The following SF3B6 variants were observed in gnomAD, a reference collection of about 807,000 sequenced individuals.
SF3B6 encodes splicing factor 3b subunit 6, also known as SF3b 14 kDa subunit.
A neutral mutation model predicts 15.9 loss-of-function variants in SF3B6; 3 were observed. The ratio of observed to expected loss-of-function variants is 0.19; its 90% CI spans 0.09 to 0.49. SF3B6 has a LOEUF of 0.49. Ranked by LOEUF, SF3B6 falls within the 20% of genes least tolerant of loss-of-function variation. The pLI is 0.97. For missense variants in SF3B6, 71 were observed against 154.3 expected (o/e 0.46, Z 2.86); for synonymous variants, 49 against 51.1 (o/e 0.96, Z 0.18).
rs542735145 is a variant in SF3B6, at chr2:24,075,504, C to T, written c.30+696G>A. On this transcript the variant is annotated intron_variant, in intron 1 of 3. Coordinates refer to ENST00000233468, the MANE Select transcript of SF3B6 (RefSeq NM_016047.4). ...TCAGCCTCCAAAAGTGCGGGGATTA[C>T]AGGCATGAGCCACCTCACTCGGCCT... 2.0e-4 allele frequency among the ~76,000 whole-genome samples: 30 copies of T among 151,782 alleles called. No homozygotes were observed. The South Asian group carries it at 6.2e-3, about 32-fold the overall frequency.
At chr2:24,075,432 T>C (rs1156828798) in intron 1 of SF3B6, among the ~76,000 whole-genome samples, 1 of 148,866 alleles carries the variant, frequency 6.7e-6, no homozygotes, top group Non-Finnish European at 1.5e-5. Flanking sequence ...GGCACAATCA[T>C]GGCTCAAGGC....
rs1429115939 is a variant in SF3B6, at chr2:24,067,618, T to C, written c.*144A>G. 3.2e-6 allele frequency: 2 copies of C among 630,708 alleles called. No homozygotes were observed. The highest frequency in any genetic ancestry group is 5.5e-6 in the Non-Finnish European group (2 of 365,542). The allele number at this position is 630,708 out of a possible 1,614,324, so 39.1% of individuals were successfully genotyped here. A position where few individuals can be genotyped will look rare whatever the true frequency, so the allele number is the denominator to read the frequency against. ...AAAAGCTACAAGTTTATTAACATAA[T>C]GTATTCCAATATGTATCAAAGTTTC... On this transcript the variant is annotated 3_prime_UTR_variant, in exon 4 of 4. Coordinates refer to ENST00000233468, the MANE Select transcript of SF3B6 (RefSeq NM_016047.4).
intron 2 of SF3B6, among the ~76,000 whole-genome samples, chr2:24,068,847 TTTTG>T (rs1366446235): frequency 6.6e-6 from 1 of 152,056 alleles, no homozygotes; most frequent in East Asian, 1.9e-4. Context: ...TTGTTTTTGT[TTTTG>T]TTTTTGTTTT....
intron 2 of SF3B6, among the ~76,000 whole-genome samples, chr2:24,072,632 G>T (rs1047929566): frequency 2.0e-5 from 3 of 152,172 alleles, no homozygotes; most frequent in African/African-American, 7.2e-5. Flanking sequence ...ACCCAGATAA[G>T]GTTAAATATT....
In SF3B6 at chr2:24,074,089, G is replaced by A. The variant is rs376628302; in HGVS notation, c.136C>T (p.Arg46Cys). The change falls in exon 2 of 4, where the codon CGT becomes TGT. Residue 46 changes from arginine to cysteine, a missense_variant. Physicochemically the swap from Arg to Cys is radical, Grantham distance 180. This residue lies in a region of SF3B6 where 52 missense variants were observed against 113.2 expected (regional missense o/e 0.46). Coordinates refer to ENST00000233468, the MANE Select transcript of SF3B6 (RefSeq NM_016047.4). Reference protein sequence around the residue: ...YDIFGKYGPIRQIRVGNTPET... With the variant: ...YDIFGKYGPICQIRVGNTPET... ...AGTAAGACTCACACTCTGATTTGACGAATAGGTCCATATTTCCCAAATATA... is the reference window on the plus strand; with the variant it reads ...AGTAAGACTCACACTCTGATTTGACAAATAGGTCCATATTTCCCAAATATA... 1.9e-6 allele frequency: 3 copies of A among 1,571,898 alleles called. No homozygotes were observed. In the African/African-American group the frequency reaches 4.1e-5, roughly 21 times the overall value.
At position 24,076,054 on chromosome 2, in the gene SF3B6, G is replaced by A. The variant is rs2150979809; in HGVS notation, c.30+146C>T. On this transcript the variant is annotated intron_variant, in intron 1 of 3. Coordinates refer to ENST00000233468, the MANE Select transcript of SF3B6 (RefSeq NM_016047.4). Reference sequence around the variant, plus strand: ...TCAAGGAGCATATCTCTGAGGATGGGGCCGGATAGTGTCTTCGCTGACAGG... The same window carrying A: ...TCAAGGAGCATATCTCTGAGGATGGAGCCGGATAGTGTCTTCGCTGACAGG... 9 of 1,041,294 alleles carry A rather than the reference G, an allele frequency of 8.6e-6. No homozygotes were observed. The South Asian group carries it at 1.0e-4, about 12-fold the overall frequency. The allele number at this position is 1,041,294 out of a possible 1,614,324, so 64.5% of individuals were successfully genotyped here.
chr2:24,068,120 C>T (rs1441784215), intron 3 of SF3B6, among the ~76,000 whole-genome samples: 1 of 152,274 alleles, frequency 6.6e-6, no homozygotes, highest in East Asian at 1.9e-4. Context: ...CCCGCCACCA[C>T]GCCCGGCTAA....
chr2:24,068,806 C>A (rs949273307), intron 2 of SF3B6, among the ~76,000 whole-genome samples: 1 of 152,170 alleles, frequency 6.6e-6, no homozygotes, highest in Non-Finnish European at 1.5e-5. Context: ...TCTTGCCACC[C>A]TGACTGGCTC....
intron 1 of SF3B6, 78 bp from the exon 2 acceptor site, chr2:24,074,272 G>A: frequency 2.9e-6 from 2 of 690,312 alleles, no homozygotes; most frequent in Non-Finnish European, 2.4e-6. Context: ...CTATAATTAG[G>A]GGCATTTTAA....
At chr2:24,069,644 G>A (rs570121520) in intron 2 of SF3B6, among the ~76,000 whole-genome samples, 32 of 152,268 alleles carry the variant, frequency 2.1e-4, no homozygotes, top group South Asian at 2.1e-3. Flanking sequence ...ATGGGAAGAG[G>A]AGGTACCTGC....
intron 2 of SF3B6, 85 bp from the exon 3 acceptor site, chr2:24,068,544 A>G: frequency 8.0e-7 from 1 of 1,244,776 alleles, no homozygotes; most frequent in South Asian, 1.6e-5. Context: ...TTAAACTGGT[A>G]ACTGTCTTTT....
intron 2 of SF3B6, among the ~76,000 whole-genome samples, chr2:24,069,280 TGCTGGAAGGTG>T (rs1337366346): frequency 6.6e-6 from 1 of 152,236 alleles, no homozygotes; most frequent in Non-Finnish European, 1.5e-5. Context: ...CAGGGCAGAA[TGCTGGAAGGTG>T]GCTGGAAGTG....
At chr2:24,071,881 C>G (rs1664655855) in intron 2 of SF3B6, among the ~76,000 whole-genome samples, 1 of 152,224 alleles carries the variant, frequency 6.6e-6, no homozygotes, top group African/African-American at 2.4e-5. Context: ...CTGAAACATT[C>G]TCTAACTTCA....
At position 24,070,544 on chromosome 2, in the gene SF3B6, C is replaced by T. The variant is rs567098984; in HGVS notation, c.150-2085G>A. On this transcript the variant is annotated intron_variant, in intron 2 of 3. Transcript: ENST00000233468. ...GCTCTATCACGTGCCCTACCTTCCA[C>T]GTGGGTTTAATAATCAAAAGAGGTA... Among the ~76,000 whole-genome samples, 9 of 152,322 alleles carry T rather than the reference C, an allele frequency of 5.9e-5. No homozygotes were observed. In the East Asian group the frequency reaches 7.7e-4, roughly 13 times the overall value.
intron 2 of SF3B6, among the ~76,000 whole-genome samples, chr2:24,071,066 C>T (rs988219500): frequency 6.6e-6 from 1 of 152,084 alleles, no homozygotes; most frequent in African/African-American, 2.4e-5. Context: ...GATCTTGGCT[C>T]ACTGCAACCT....
At chr2:24,075,866 T>C (rs1210942711) in intron 1 of SF3B6, among the ~76,000 whole-genome samples, 1 of 152,066 alleles carries the variant, frequency 6.6e-6, no homozygotes, top group East Asian at 1.9e-4. Flanking sequence ...ACCATTAAGT[T>C]AGTTGAGGAC....
intron 2 of SF3B6, among the ~76,000 whole-genome samples, chr2:24,070,306 A>G (rs568968805): frequency 6.6e-6 from 1 of 152,230 alleles, no homozygotes; most frequent in African/African-American, 2.4e-5. Context: ...ACCATGCCCG[A>G]CTAATTTTTG....
intron 2 of SF3B6, among the ~76,000 whole-genome samples, chr2:24,071,497 C>T (rs72852445): frequency 0.11 from 16,956 of 152,044 alleles, 2,480 homozygotes; most frequent in African/African-American, 0.34. Context: ...CTCAGCAACT[C>T]AGGAGGCTGA....
chr2:24,070,295 C>T (rs1664633804), intron 2 of SF3B6, among the ~76,000 whole-genome samples: 1 of 152,180 alleles, frequency 6.6e-6, no homozygotes, highest in African/African-American at 2.4e-5. Flanking sequence ...AGGTGTGCGC[C>T]ACCATGCCCG....
Sources: allele counts gnomAD v4.1 joint callset (sites outside exome capture counted in the v4.1 genomes callset), GRCh38; gene constraint gnomAD v4.1.1; regional missense constraint gnomAD v4.1.1; transcripts MANE v1.5; gene names NCBI Gene and HGNC (gene_info 2026-07-23, HGNC 2026-07-21).